Variants in SMARCA1 observed in about 807,000 individuals in gnomAD.
SMARCA1 encodes SWI/SNF-related matrix-associated actin-dependent regulator of chromatin subfamily A member 1.
In SMARCA1, 17 loss-of-function variants were observed where a neutral mutation model predicts 93.6. That is an observed-to-expected ratio of 0.18 (90% confidence interval 0.12 to 0.27). The LOEUF (loss-of-function observed/expected upper bound fraction) is 0.27. SMARCA1 is among the 10% of genes least tolerant of loss of function. SMARCA1 has a pLI of 1.00. For missense variants in SMARCA1, 630 were observed against 819.0 expected (o/e 0.77, Z 2.82); for synonymous variants, 271 against 271.4 (o/e 1.00, Z 0.01).
At position 129,468,889 on chromosome X, in the gene SMARCA1, G is replaced by A; in HGVS notation, c.2582C>T (p.Thr861Ile). The A allele has an allele frequency of 8.4e-7, 1 of 1,188,402 alleles. No individual in the cohort carries two copies. The part of the protein sequence containing the change: ...KLLTQGFTNW[T>I]KRDFNQFIKA... Reference sequence around the variant, plus strand: ...AATAAACTGGTTAAAATCTCGTTTAGTCCAGTTTGTGAAACCCTGTGAACA... The same window carrying A: ...AATAAACTGGTTAAAATCTCGTTTAATCCAGTTTGTGAAACCCTGTGAACA... Residue 861 changes from threonine to isoleucine, a missense_variant, in exon 21 of 25, where the codon ACT (threonine) becomes ATT (isoleucine). Coordinates refer to ENST00000371121, the MANE Select transcript of SMARCA1 (RefSeq NM_001282874.2).
Position 129,507,832 on chromosome X carries a change from G to A in SMARCA1, c.966+109C>T, listed in dbSNP as rs187707830. ...CTCCCAAAGTGCTGGGATTACAGGC[G>A]TGAGCCACCACACCGGCTGTTCCAT... On this transcript the variant is annotated intron_variant, in intron 7 of 24. Coordinates refer to ENST00000371121, the MANE Select transcript of SMARCA1 (RefSeq NM_001282874.2). 87 of 508,422 alleles carry A rather than the reference G, an allele frequency of 1.7e-4. No homozygotes were observed. The African/African-American group carries it at 1.8e-3, about 11-fold the overall frequency. The allele number at this position is 508,422 out of a possible 1,213,427, so 41.9% of individuals were successfully genotyped here. A position where few individuals can be genotyped will look rare whatever the true frequency, so the allele number is the denominator to read the frequency against.
chrX:129,522,931 G>A (rs1279860558), intron 1 of SMARCA1, among the ~76,000 whole-genome samples: 9 of 111,108 alleles, frequency 8.1e-5, no homozygotes, highest in African/African-American at 2.9e-4. Flanking sequence ...GGGCTCCCGA[G>A]CCCCCAGGCC....
intron 23 of SMARCA1, among the ~76,000 whole-genome samples, chrX:129,456,950 C>A (rs1452284009): frequency 8.9e-6 from 1 of 112,138 alleles, no homozygotes; most frequent in Non-Finnish European, 1.9e-5. Flanking sequence ...GGGACTGACT[C>A]CAATTTTGAA....
intron 7 of SMARCA1, 71 bp downstream of exon 7, chrX:129,507,870 T>C (rs937170776): frequency 1.1e-5 from 8 of 710,023 alleles, no homozygotes; most frequent in Non-Finnish European, 6.0e-6. Flanking sequence ...TTTTTTATTC[T>C]GAATACAGAA....
At chrX:129,447,402 C>G in intron 24 of SMARCA1, 169 bp from the exon 25 acceptor site, 2 of 409,933 alleles carry the variant, frequency 4.9e-6, no homozygotes, top group Non-Finnish European at 7.6e-6. Flanking sequence ...CTATATAACC[C>G]AATGTAAAAT....
chrX:129,481,473 A>C (rs962809138), intron 17 of SMARCA1, among the ~76,000 whole-genome samples: 2 of 112,391 alleles, frequency 1.8e-5, no homozygotes, highest in African/African-American at 6.5e-5. Flanking sequence ...GGTCAAATTA[A>C]ATAAATAAAA....
intron 24 of SMARCA1, among the ~76,000 whole-genome samples, chrX:129,447,645 T>C (rs1932072769): frequency 8.9e-6 from 1 of 111,741 alleles, no homozygotes; most frequent in Non-Finnish European, 1.9e-5. Context: ...CATTTTAGCA[T>C]CTCTGAAATC....
Position 129,490,049 on chromosome X carries a change from T to C in SMARCA1, c.1948+11A>G, listed in dbSNP as rs1292545209. On this transcript the variant is annotated intron_variant, in intron 15 of 24. Transcript: ENST00000371121. ...CAAAAAACACCTAATTAAGTTTCTA[T>C]GTATAAATACCTTGTTGTATAACAA... The C allele has an allele frequency of 1.3e-5, 15 of 1,144,105 alleles. No individual in the cohort carries two copies. The highest frequency in any genetic ancestry group is 1.8e-5 in the Non-Finnish European group (15 of 842,808). 94.3% of individuals were successfully genotyped at this position (1,144,105 alleles called of 1,213,427 possible). A position where few individuals can be genotyped will look rare whatever the true frequency, so the allele number is the denominator to read the frequency against.
intron 19 of SMARCA1, among the ~76,000 whole-genome samples, chrX:129,471,885 G>A (rs1933140104): frequency 8.9e-6 from 1 of 112,146 alleles, no homozygotes; most frequent in Non-Finnish European, 1.9e-5. Flanking sequence ...GAAGGGTATA[G>A]TAGAGCACAC....
chrX:129,448,966 G>GCA (rs34806802), intron 23 of SMARCA1, among the ~76,000 whole-genome samples: 5,919 of 102,563 alleles, frequency 0.058, 208 homozygotes, highest in African/African-American at 0.13. Flanking sequence ...GCATTGAACT[G>GCA]CACACACACA....
intron 23 of SMARCA1, among the ~76,000 whole-genome samples, chrX:129,465,018 C>G (rs988259025): frequency 9.1e-6 from 1 of 110,387 alleles, no homozygotes; most frequent in Non-Finnish European, 1.9e-5. Context: ...GACCCAACAA[C>G]GAAATGTAAT....
In SMARCA1 at chrX:129,453,453, C is replaced by A. The variant is rs762114935; in HGVS notation, c.3031-5010G>T. ...TATTGGAAGTTCTGGCCAGGGCAAT[C>A]AGGCAAGAGAAAGAAATAAACGGTA... On this transcript the variant is annotated intron_variant, in intron 23 of 24. Transcript: ENST00000371121. Among the ~76,000 whole-genome samples, 16 of 111,893 alleles carry A rather than the reference C, an allele frequency of 1.4e-4. 1 individual carries two copies. The South Asian group carries it at 6.0e-3, about 42-fold the overall frequency.
chrX:129,503,951 C>T (rs1277671299), intron 9 of SMARCA1, among the ~76,000 whole-genome samples: 1 of 90,386 alleles, frequency 1.1e-5, no homozygotes, highest in Non-Finnish European at 2.1e-5. Context: ...GGCTATAGAG[C>T]GAGACTCTCT....
chrX:129,480,683 A>T lies in SMARCA1; in HGVS notation c.2442+18T>A. On this transcript the variant is annotated intron_variant, in intron 19 of 24. Transcript: ENST00000371121. ...TTAAAGATTATATTATATTAATCTTAAAAAATGGAAAAAATACCTTATAGC... is the reference window on the plus strand; with the variant it reads ...TTAAAGATTATATTATATTAATCTTTAAAAATGGAAAAAATACCTTATAGC... The T allele has an allele frequency of 1.3e-6, 1 of 796,856 alleles. No homozygotes were observed. Among genetic ancestry groups the T allele is most frequent in the Non-Finnish European group, 1.7e-6 (1 of 580,165 alleles). 65.7% of individuals were successfully genotyped at this position (796,856 alleles called of 1,213,427 possible). A position where few individuals can be genotyped will look rare whatever the true frequency, so the allele number is the denominator to read the frequency against.
chrX:129,480,338 C>A (rs1174255196), intron 19 of SMARCA1, among the ~76,000 whole-genome samples: 2 of 112,505 alleles, frequency 1.8e-5, no homozygotes, highest in African/African-American at 6.4e-5. Flanking sequence ...TTTCTTGGAC[C>A]TATTAAGGAA....
At chrX:129,504,884 T>A (rs1258655668) in intron 8 of SMARCA1, 82 bp from the exon 9 acceptor site, 1 of 573,054 alleles carries the variant, frequency 1.7e-6, no homozygotes, top group Non-Finnish European at 2.9e-6. Context: ...ATACAACCAA[T>A]ACGGAAATAA....
At chrX:129,454,831 C>T (rs150790174) in intron 23 of SMARCA1, among the ~76,000 whole-genome samples, 210 of 111,370 alleles carry the variant, frequency 1.9e-3, no homozygotes, top group African/African-American at 6.3e-3. Flanking sequence ...GACATTTATG[C>T]GGCTAACAAA....
chrX:129,482,238 G>A (rs1335411749), intron 17 of SMARCA1, among the ~76,000 whole-genome samples: 6 of 99,568 alleles, frequency 6.0e-5, no homozygotes, highest in Non-Finnish European at 8.1e-5. Flanking sequence ...GCTAAATGAC[G>A]AGTTAGTGGG....
rs1355901548 is a variant in SMARCA1 at position 129,468,693 on chromosome X, G to C, written c.2698+80C>G. 7.1e-6 allele frequency: 5 copies of C among 708,094 alleles called. No homozygotes were observed. The African/African-American group carries it at 1.1e-4, about 15-fold the overall frequency. 58.4% of individuals were successfully genotyped at this position (708,094 alleles called of 1,213,427 possible). On this transcript the variant is annotated intron_variant, in intron 21 of 24. Coordinates refer to ENST00000371121, the MANE Select transcript of SMARCA1 (RefSeq NM_001282874.2). ...ATTCATAAAAGTTTAAAACATCTCT[G>C]AACAAAGGTACAATTAAATTGATGC... is the stretch of plus-strand genomic sequence containing the variant.
Sources: allele counts gnomAD v4.1 joint callset (sites outside exome capture counted in the v4.1 genomes callset), GRCh38; gene constraint gnomAD v4.1.1; transcripts MANE v1.5; gene names NCBI Gene and HGNC (gene_info 2026-07-23, HGNC 2026-07-21).